The following EPS15 variants were observed in gnomAD, a reference collection of about 807,000 sequenced individuals.
The protein encoded by EPS15 is epidermal growth factor receptor substrate 15.
A neutral mutation model predicts 113.8 loss-of-function variants in EPS15; 72 were observed. The observed-to-expected ratio is 0.63, with a 90% CI of 0.52 to 0.77. The LOEUF is 0.77. Among genes scored for constraint, EPS15 ranks in the 30% least tolerant of loss-of-function variants. The pLI, the probability that EPS15 is intolerant of heterozygous loss-of-function variation, is 0.00. For missense variants in EPS15, 1,048 were observed against 1,045.8 expected (o/e 1.00, Z -0.03); for synonymous variants, 344 against 363.4 (o/e 0.95, Z 0.61).
intron 21 of EPS15, among the ~76,000 whole-genome samples, chr1:51,392,911 G>A (rs972858735): frequency 1.3e-5 from 2 of 152,038 alleles, no homozygotes; most frequent in Non-Finnish European, 2.9e-5. Flanking sequence ...TAATTCTATA[G>A]TACCCCTAGC....
At chr1:51,385,739 A>C (rs1012660245) in intron 21 of EPS15, among the ~76,000 whole-genome samples, 3 of 152,216 alleles carry the variant, frequency 2.0e-5, no homozygotes, top group Non-Finnish European at 4.4e-5. Context: ...TAAAAAATTC[A>C]ATACATTATA....
rs369210251 is a variant in EPS15, at chr1:51,409,550, A to G, written c.1260T>C (p.Ala420=). The G allele has an allele frequency of 1.9e-6, 3 of 1,612,482 alleles. No individual in the cohort carries two copies. Among genetic ancestry groups the G allele is most frequent in the African/African-American group, 1.3e-5 (1 of 74,696 alleles). The change falls in exon 14 of 25, where the codon GCT becomes GCC. Residue 420 remains alanine (A), a synonymous_variant. Transcript: ENST00000371733. ...CAGACATTACCAGTTGGGCCTCCTC[A>G]GCACATTTCTTTCTGACTTCCTTGA... The part of the protein sequence containing the change: ...EQLKEVRKKC[A]EEAQLISSLK...
intron 20 of EPS15, among the ~76,000 whole-genome samples, chr1:51,398,720 A>G (rs1429718084): frequency 3.9e-5 from 6 of 152,190 alleles, no homozygotes; most frequent in Admixed American, 3.3e-4. Context: ...ATTTCAGAAA[A>G]GTTTTATGTA....
chr1:51,421,717 A>T, intron 13 of EPS15, 69 bp downstream of exon 13: 1 of 910,916 alleles, frequency 1.1e-6, no homozygotes, highest in Non-Finnish European at 1.6e-6. Flanking sequence ...CAAATAGTAA[A>T]TAACCATATA....
At chr1:51,407,903 C>T (rs2148428090) in intron 15 of EPS15, among the ~76,000 whole-genome samples, 1 of 152,228 alleles carries the variant, frequency 6.6e-6, no homozygotes, top group Middle Eastern at 3.4e-3. Context: ...GACCATCTAG[C>T]CACAAAGCCC....
chr1:51,400,724 A>C (rs548772914), intron 19 of EPS15, among the ~76,000 whole-genome samples, 194 bp downstream of exon 19: 1 of 150,834 alleles, frequency 6.6e-6, no homozygotes, highest in East Asian at 1.9e-4. Context: ...AAAAAAAAAA[A>C]AAAAAAAAAA....
intron 11 of EPS15, among the ~76,000 whole-genome samples, chr1:51,440,914 T>C (rs1203214633): frequency 6.6e-6 from 1 of 152,138 alleles, no homozygotes; most frequent in East Asian, 1.9e-4. Flanking sequence ...TTTTTACTTT[T>C]GTTACATACT....
rs746863552 is a variant in EPS15 at position 51,356,773 on chromosome 1, C to G, written c.2618G>C (p.Arg873Pro). The change falls in exon 25 of 25, where the codon CGA (arginine) becomes CCA (proline). Residue 873 changes from arginine to proline, a missense_variant. Coordinates refer to ENST00000371733, the MANE Select transcript of EPS15 (RefSeq NM_001981.3). ...SEREEEQRLARLNQQEQEDLE... is the reference protein window; with the variant it reads ...SEREEEQRLAPLNQQEQEDLE... ...GTCTTCTTGTTCCTGCTGATTTAGT[C>G]GGGCAAGCCTCTGCTCTTCCTCTCT... 1 of 1,613,818 alleles carries G rather than the reference C, an allele frequency of 6.2e-7. No homozygotes were observed. The highest frequency in any genetic ancestry group is 8.5e-7 in the Non-Finnish European group (1 of 1,179,770).
At chr1:51,487,797 T>C (rs1479352079) in intron 1 of EPS15, among the ~76,000 whole-genome samples, 4 of 152,162 alleles carry the variant, frequency 2.6e-5, no homozygotes, top group Non-Finnish European at 5.9e-5. Flanking sequence ...ACTACACTAA[T>C]GTGATACAGC....
At chr1:51,418,781 C>T (rs1020719614) in intron 13 of EPS15, among the ~76,000 whole-genome samples, 10 of 152,144 alleles carry the variant, frequency 6.6e-5, no homozygotes, top group Admixed American at 1.3e-4. Context: ...TTTATTCTTA[C>T]ATCAGCTCTT....
At chr1:51,433,284 C>T (rs1036330182) in intron 12 of EPS15, among the ~76,000 whole-genome samples, 1 of 152,138 alleles carries the variant, frequency 6.6e-6, no homozygotes, top group African/African-American at 2.4e-5. Context: ...GTGCTGAACT[C>T]GGTGTTGGGG....
chr1:51,393,998 C>T (rs1164007057), intron 21 of EPS15, among the ~76,000 whole-genome samples: 2 of 152,000 alleles, frequency 1.3e-5, no homozygotes, highest in South Asian at 2.1e-4. Context: ...TTAACAGAAC[C>T]CATTTGTATT....
At chr1:51,420,822 C>T (rs1650682658) in intron 13 of EPS15, among the ~76,000 whole-genome samples, 1 of 152,128 alleles carries the variant, frequency 6.6e-6, no homozygotes, top group Non-Finnish European at 1.5e-5. Context: ...CTAGCACAGT[C>T]CACCAGACAG....
intron 12 of EPS15, among the ~76,000 whole-genome samples, chr1:51,425,224 C>T (rs1651102786): frequency 6.6e-6 from 1 of 152,198 alleles, no homozygotes; most frequent in Admixed American, 6.5e-5. Flanking sequence ...AAATCCCAAG[C>T]TAGGCTTTCA....
In EPS15 at chr1:51,406,107, A is replaced by C; in HGVS notation, c.1475T>G (p.Met492Arg). The C allele has an allele frequency of 6.2e-7, 1 of 1,612,218 alleles. No homozygotes were observed. The highest frequency in any genetic ancestry group is 8.5e-7 in the Non-Finnish European group (1 of 1,179,196). The change falls in exon 16 of 25, where the codon ATG becomes AGG. Residue 492 changes from methionine (M) to arginine (R), a missense_variant and splice_region_variant. Transcript: ENST00000371733. ...TTTCATTTCCATCAGTTTCATTTGC[A>C]TCTGCCAACACAAAGAAGAAATATA... is the stretch of plus-strand genomic sequence containing the variant. Reference protein sequence around the residue: ...LQDSQQEISSMQMKLMEMKDL... With the variant: ...LQDSQQEISSRQMKLMEMKDL...
chr1:51,489,860 A>G (rs1016348468), intron 1 of EPS15, among the ~76,000 whole-genome samples: 1 of 152,214 alleles, frequency 6.6e-6, no homozygotes, highest in Non-Finnish European at 1.5e-5. Context: ...TGTCACAAAT[A>G]GGGACTGCTC....
chr1:51,451,217 G>A (rs1040307876), intron 8 of EPS15, among the ~76,000 whole-genome samples: 2 of 151,822 alleles, frequency 1.3e-5, no homozygotes, highest in Non-Finnish European at 2.9e-5. Flanking sequence ...GGCTGGGCGT[G>A]GTGGCTCACG....
intron 21 of EPS15, among the ~76,000 whole-genome samples, chr1:51,384,241 A>G (rs768568282): frequency 9.9e-5 from 15 of 151,160 alleles, no homozygotes; most frequent in Non-Finnish European, 2.2e-4. Context: ...CCTAAAATTC[A>G]TATGGAATCT....
chr1:51,490,090 A>T (rs572141576), intron 1 of EPS15, among the ~76,000 whole-genome samples: 1 of 152,340 alleles, frequency 6.6e-6, no homozygotes, highest in Admixed American at 6.5e-5. Flanking sequence ...GTTACTAAGG[A>T]AATTTATAGG....
Sources: allele counts gnomAD v4.1 joint callset (sites outside exome capture counted in the v4.1 genomes callset), GRCh38; gene constraint gnomAD v4.1.1; transcripts MANE v1.5; gene names NCBI Gene and HGNC (gene_info 2026-07-23, HGNC 2026-07-21).